The following MYO18A variants were observed in gnomAD, a reference collection of about 807,000 sequenced individuals.
MYO18A encodes unconventional myosin-XVIIIa.
In MYO18A, 78 loss-of-function variants were observed where a neutral mutation model predicts 235.8. That is an observed-to-expected ratio of 0.33 (90% CI 0.28 to 0.40). The LOEUF (loss-of-function observed/expected upper bound fraction) is 0.40, where lower values mean the gene tolerates loss of function less well. MYO18A is among the 10% of genes least tolerant of loss of function. The pLI is 1.00. For missense variants in MYO18A, 2,215 were observed against 2,699.3 expected (o/e 0.82, Z 3.98); for synonymous variants, 977 against 1,077.8 (o/e 0.91, Z 1.83).
At chr17:29,097,483 G>C in intron 26 of MYO18A, 133 bp from the exon 27 acceptor site, 1 of 1,237,362 alleles carries the variant, frequency 8.1e-7, no homozygotes, top group Non-Finnish European at 1.1e-6. Flanking sequence ...TGCAATGATG[G>C]CTTCCTCCCA....
chr17:29,129,380 A>G (rs1207119427), intron 2 of MYO18A, among the ~76,000 whole-genome samples: 2 of 152,130 alleles, frequency 1.3e-5, no homozygotes, highest in Admixed American at 6.5e-5. Context: ...CTCAGCTCCA[A>G]TCTTCCCTGG....
chr17:29,096,764 C>T lies in MYO18A; in HGVS notation c.4382G>A (p.Arg1461Lys). The change falls in exon 28 of 42, where the codon AGG becomes AAG. Residue 1461 changes from arginine to lysine, a missense_variant. Coordinates refer to ENST00000527372, the MANE Select transcript of MYO18A (RefSeq NM_078471.4). ...VRNHELEKKQ[R>K]RFDSELSQAH... ...CCAGGGCAGGGGGCCCACCCACCTC[C>T]TCTGCTTCTTCTCCAGTTCGTGGTT... 6.2e-7 allele frequency: 1 copy of T among 1,601,042 alleles called. No individual in the cohort carries two copies. Among genetic ancestry groups the T allele is most frequent in the East Asian group, 2.3e-5 (1 of 44,426 alleles).
At chr17:29,079,889 C>T (rs1209989590) in intron 41 of MYO18A, 7 of 985,806 alleles carry the variant, frequency 7.1e-6, no homozygotes, top group African/African-American at 1.7e-5. Context: ...TGGCTGGAGA[C>T]GGTCGAGCCG....
intron 2 of MYO18A, among the ~76,000 whole-genome samples, chr17:29,128,738 G>A (rs1378173577): frequency 6.6e-6 from 1 of 152,192 alleles, no homozygotes; most frequent in Non-Finnish European, 1.5e-5. Flanking sequence ...CTGCAGCTAA[G>A]AGTCTGGCTT....
Position 29,111,363 on chromosome 17 carries a change from G to T in MYO18A, c.2900+61C>A, listed in dbSNP as rs2066923476. The T allele has an allele frequency of 1.3e-6, 2 of 1,565,148 alleles. No individual in the cohort carries two copies. Among genetic ancestry groups the T allele is most frequent in the African/African-American group, 1.3e-5 (1 of 74,298 alleles). ...CCTCTGAGACAACCCCAGGGGGAGG[G>T]AGCCCCAAAATCAAAACAGTCCTGG... On this transcript the variant is annotated intron_variant, in intron 17 of 41. Coordinates refer to ENST00000527372, the MANE Select transcript of MYO18A (RefSeq NM_078471.4). This position sits in a 1 kb window ranked among gnomAD's most constrained non-coding sequence, Gnocchi z 5.1.
rs777892326 is a variant in MYO18A at position 29,090,647 on chromosome 17, A to AT, written c.5305-33dup. On this transcript the variant is annotated intron_variant, in intron 35 of 41. Transcript: ENST00000527372. ...AAGGAATGAGAGCATCAGAAGCAGG[A>AT]TCCCCCATAAGCATTCAACCAGCCC... 1.9e-6 allele frequency: 3 copies of AT among 1,587,224 alleles called. No homozygotes were observed. In the Admixed American group the frequency reaches 5.4e-5, roughly 28 times the overall value.
intron 2 of MYO18A, among the ~76,000 whole-genome samples, chr17:29,149,397 C>G (rs2067921639): frequency 6.6e-6 from 1 of 152,166 alleles, no homozygotes; most frequent in South Asian, 2.1e-4. Context: ...GACAAGCAAT[C>G]AGGAAGGTCA....
intron 7 of MYO18A, among the ~76,000 whole-genome samples, 155 bp from the exon 8 acceptor site, chr17:29,119,590 G>A (rs1405272678): frequency 1.4e-5 from 2 of 146,418 alleles, no homozygotes; most frequent in Non-Finnish European, 3.0e-5. Flanking sequence ...TTGAGATGGA[G>A]TCTCACTCTG....
chr17:29,114,555 C>T (rs1172507602), intron 14 of MYO18A, among the ~76,000 whole-genome samples: 1 of 152,232 alleles, frequency 6.6e-6, no homozygotes, highest in Non-Finnish European at 1.5e-5. Flanking sequence ...TCACCTGGCA[C>T]CCTCACAGAT....
intron 18 of MYO18A, 143 bp from the exon 19 acceptor site, chr17:29,110,244 CCCTCGCCGGG>C: frequency 2.2e-6 from 3 of 1,343,568 alleles, no homozygotes; most frequent in Non-Finnish European, 3.0e-6. Flanking sequence ...GACAACTCTG[CCCTCGCCGGG>C]CCTCGGTGGC....
chr17:29,143,763 A>G (rs141245439), intron 2 of MYO18A, among the ~76,000 whole-genome samples: 13 of 152,110 alleles, frequency 8.5e-5, no homozygotes, highest in African/African-American at 2.9e-4. Context: ...AAGATCTCAC[A>G]CTCTGAGCTT....
intron 41 of MYO18A, chr17:29,079,917 G>A: frequency 1.0e-6 from 1 of 985,946 alleles, no homozygotes; most frequent in Non-Finnish European, 1.2e-6. Flanking sequence ...ACGACGAGGA[G>A]GACTCAGACT....
intron 18 of MYO18A, 64 bp downstream of exon 18, chr17:29,110,372 G>T: frequency 1.3e-6 from 2 of 1,495,864 alleles, no homozygotes. Context: ...GAGTCCCCAG[G>T]CCTGCCTACC....
At chr17:29,164,355 T>C (rs1470125014) in intron 2 of MYO18A, among the ~76,000 whole-genome samples, 1 of 152,178 alleles carries the variant, frequency 6.6e-6, no homozygotes, top group Non-Finnish European at 1.5e-5. Flanking sequence ...TCCCATTCAC[T>C]ACCCTTCCCT....
At chr17:29,084,621 C>T (rs555005173) in intron 40 of MYO18A, among the ~76,000 whole-genome samples, 102 of 152,238 alleles carry the variant, frequency 6.7e-4, no homozygotes, top group Admixed American at 1.4e-3. Context: ...GGAGACAGAA[C>T]GGCGGGGGAT....
chr17:29,105,881 C>T (rs971081514), intron 20 of MYO18A, among the ~76,000 whole-genome samples: 4 of 152,058 alleles, frequency 2.6e-5, no homozygotes, highest in African/African-American at 9.7e-5. Context: ...CCTTGGGAGC[C>T]CAAAGCAAGG....
At chr17:29,080,519 G>A (rs936117823) in intron 41 of MYO18A, 2 of 985,992 alleles carry the variant, frequency 2.0e-6, no homozygotes, top group Admixed American at 6.1e-5. Flanking sequence ...CCAGAGGCCC[G>A]GCTCAGGGAA....
Position 29,165,818 on chromosome 17 carries a change from G to A in MYO18A, c.999+124C>T, listed in dbSNP as rs866104927. ...CCCCACAGGCTCAGAGAGCAGCAGGGCTTCCCCACTTACACACTGCTAGGC... is the reference window on the plus strand; with the variant it reads ...CCCCACAGGCTCAGAGAGCAGCAGGACTTCCCCACTTACACACTGCTAGGC... On this transcript the variant is annotated intron_variant, in intron 2 of 41. Coordinates refer to ENST00000527372, the MANE Select transcript of MYO18A (RefSeq NM_078471.4). 26 of 926,908 alleles carry A rather than the reference G, an allele frequency of 2.8e-5. 1 individual carries two copies. In the South Asian group the frequency reaches 3.5e-4, roughly 13 times the overall value. The allele number at this position is 926,908 out of a possible 1,614,324, so 57.4% of individuals were successfully genotyped here. A position where few individuals can be genotyped will look rare whatever the true frequency, so the allele number is the denominator to read the frequency against.
intron 2 of MYO18A, among the ~76,000 whole-genome samples, chr17:29,149,793 C>T (rs1398574293): frequency 6.6e-6 from 1 of 152,234 alleles, no homozygotes; most frequent in Non-Finnish European, 1.5e-5. Context: ...AAGCCATGAG[C>T]CAGCCTTGAG....
Sources: gnomAD v4.1 joint callset for allele counts (sites outside exome capture counted in the v4.1 genomes callset) on GRCh38, gnomAD v4.1.1 for gene constraint, Gnocchi (gnomAD v3.1) non-coding constraint, MANE v1.5 for transcripts, NCBI Gene and HGNC (gene_info 2026-07-23, HGNC 2026-07-21) for gene names.